The following DAB2IP variants were observed in gnomAD, a reference collection of about 807,000 sequenced individuals.
DAB2IP encodes DAB2 interacting protein.
A neutral mutation model predicts 107.2 loss-of-function variants in DAB2IP; 28 were observed. That is an observed-to-expected ratio of 0.26 (90% CI 0.19 to 0.36). The LOEUF (loss-of-function observed/expected upper bound fraction) is 0.36, where lower values mean the gene tolerates loss of function less well. Among genes scored for constraint, DAB2IP ranks in the 10% least tolerant of loss-of-function variants. DAB2IP has a pLI of 1.00. For synonymous variants in DAB2IP, 755 were observed against 706.4 expected, an observed-to-expected ratio of 1.07 and a Z score of -1.09; for missense variants, 1,400 against 1,644.7, an observed-to-expected ratio of 0.85 and a Z score of 2.57.
At chr9:121,613,023 C>T (rs1374777025) in intron 1 of DAB2IP, among the ~76,000 whole-genome samples, 2 of 152,134 alleles carry the variant, frequency 1.3e-5, no homozygotes, top group Non-Finnish European at 2.9e-5. Context: ...ATTCCTAGAG[C>T]CCCATTTATC....
At chr9:121,567,227 C>T (rs201252302) in exon 1 of DAB2IP, 26 of 1,614,004 alleles carry the variant, frequency 1.6e-5, no homozygotes, top group South Asian at 5.5e-5. Flanking sequence ...ACGACTCCTA[C>T]GGTAAGACGG....
chr9:121,740,735 G>C (rs927946827), intron 3 of DAB2IP, among the ~76,000 whole-genome samples: 1 of 152,220 alleles, frequency 6.6e-6, no homozygotes, highest in African/African-American at 2.4e-5. Flanking sequence ...TTCAGTGTCT[G>C]TTGAATGAAT....
upstream of DAB2IP, among the ~76,000 whole-genome samples, chr9:121,648,163 C>T (rs1832605366): frequency 6.6e-6 from 1 of 152,154 alleles, no homozygotes. Flanking sequence ...TCCCAAGTTA[C>T]TGCTCGGGAT....
At chr9:121,595,460 C>G (rs191404886) in intron 1 of DAB2IP, among the ~76,000 whole-genome samples, 5 of 150,340 alleles carry the variant, frequency 3.3e-5, no homozygotes, top group African/African-American at 9.7e-5. Context: ...AAAATTAGCC[C>G]GCCATGGTGG....
At position 121,642,257 on chromosome 9, in the gene DAB2IP, T is replaced by C. The variant is rs181170175; in HGVS notation, c.41-36421T>C. Reference sequence around the variant, plus strand: ...CACCATGCCTGGCTAATTATTATTATTGAGACTGAGTCTCACTCTGTCGCC... The same window carrying C: ...CACCATGCCTGGCTAATTATTATTACTGAGACTGAGTCTCACTCTGTCGCC... On this transcript the variant is annotated intron_variant, in intron 1 of 16. Coordinates refer to the DAB2IP transcript ENST00000259371. Among the ~76,000 whole-genome samples the C allele has an allele frequency of 3.2e-4, 48 of 151,300 alleles. 1 individual carries two copies. The highest frequency in any genetic ancestry group is 3.4e-3 in the Middle Eastern group (1 of 292).
At chr9:121,580,670 G>A (rs1564681699) in intron 1 of DAB2IP, among the ~76,000 whole-genome samples, 1 of 152,120 alleles carries the variant, frequency 6.6e-6, no homozygotes, top group Middle Eastern at 3.4e-3. Flanking sequence ...TGTTGCCCAG[G>A]CTGGAGTCCA....
Position 121,754,469 on chromosome 9 carries a change from A to C in DAB2IP, c.363-2544A>C, listed in dbSNP as rs756399193. ...CTGCCCCTATTCCTCTTCCTCCCAG[A>C]GAGCTTGGGCTGCAGGGATGGATGC... On this transcript the variant is annotated intron_variant, in intron 3 of 15. Coordinates refer to ENST00000408936, the Ensembl canonical transcript of DAB2IP. 4.6e-4 allele frequency among the ~76,000 whole-genome samples: 70 copies of C among 152,046 alleles called. 1 individual carries two copies. Among genetic ancestry groups the C allele is most frequent in the Non-Finnish European group, 6.0e-4 (41 of 68,000 alleles).
intron 1 of DAB2IP, among the ~76,000 whole-genome samples, chr9:121,669,173 C>T (rs1833575067): frequency 6.6e-6 from 1 of 152,134 alleles, no homozygotes. Context: ...CTCAAGCAAT[C>T]CGCCCACCTT....
At chr9:121,618,490 A>G (rs1382380945) in intron 1 of DAB2IP, among the ~76,000 whole-genome samples, 2 of 151,748 alleles carry the variant, frequency 1.3e-5, no homozygotes, top group African/African-American at 4.8e-5. Flanking sequence ...CCTCCTGAGT[A>G]GCTGGGACTA....
At chr9:121,715,260 G>A (rs900290573) in intron 3 of DAB2IP, among the ~76,000 whole-genome samples, 3 of 152,198 alleles carry the variant, frequency 2.0e-5, no homozygotes, top group African/African-American at 7.2e-5. Context: ...ACCCTCAACA[G>A]CCACAGCCAG....
At chr9:121,703,931 C>T (rs1320815752) in intron 3 of DAB2IP, among the ~76,000 whole-genome samples, 1 of 152,118 alleles carries the variant, frequency 6.6e-6, no homozygotes, top group Non-Finnish European at 1.5e-5. Flanking sequence ...AAGAAACAGC[C>T]ATTATTACCT....
At chr9:121,757,221 G>A (rs1388547682) in intron 4 of DAB2IP, 55 bp downstream of exon 4, 1 of 1,586,752 alleles carries the variant, frequency 6.3e-7, no homozygotes, top group Non-Finnish European at 8.6e-7. Context: ...TGGCCTGGCT[G>A]GTCTCCTCCA....
At chr9:121,661,687 A>G (rs1378373011) in intron 1 of DAB2IP, among the ~76,000 whole-genome samples, 1 of 152,154 alleles carries the variant, frequency 6.6e-6, no homozygotes, top group Non-Finnish European at 1.5e-5. Context: ...AACAACAACA[A>G]TAATAATGTT....
rs201505083 is a variant in DAB2IP at position 121,698,177 on chromosome 9, T to TATCC, written c.229-1147_229-1144dup. 1.2e-3 allele frequency among the ~76,000 whole-genome samples: 177 copies of TATCC among 152,234 alleles called. 4 individuals carry two copies. The East Asian group carries it at 0.029, about 25-fold the overall frequency. ...GTACATTAACCTCAAATTAAATTAA[T>TATCC]ATCCCACTTGCCACCTGGAATTGAG... On this transcript the variant is annotated intron_variant, in intron 2 of 15. Transcript: ENST00000408936. This position sits in a 1 kb window ranked among gnomAD's most constrained non-coding sequence, Gnocchi z 4.1.
At chr9:121,737,709 C>A in intron 3 of DAB2IP, 1 of 985,476 alleles carries the variant, frequency 1.0e-6, no homozygotes, top group Non-Finnish European at 1.2e-6. Context: ...GCGCTCCCAC[C>A]ACAAAGGTCT....
At chr9:121,580,090 TC>T (rs1046927558) in intron 1 of DAB2IP, among the ~76,000 whole-genome samples, 2 of 152,128 alleles carry the variant, frequency 1.3e-5, no homozygotes, top group African/African-American at 4.8e-5. Flanking sequence ...CCTCCTTTTT[TC>T]CCTCCTCCCC....
intron 2 of DAB2IP, among the ~76,000 whole-genome samples, chr9:121,681,502 G>C (rs181556008): frequency 2.6e-5 from 4 of 152,222 alleles, no homozygotes; most frequent in East Asian, 3.9e-4. Flanking sequence ...CCACCTGCCC[G>C]GTTAGGGTCT....
At chr9:121,704,568 A>C (rs760175437) in intron 3 of DAB2IP, among the ~76,000 whole-genome samples, 29 of 152,122 alleles carry the variant, frequency 1.9e-4, no homozygotes, top group Non-Finnish European at 4.0e-4. Context: ...GAGAGGTCCC[A>C]TGTAGGTGGA....
At chr9:121,637,361 A>G (rs964980876) in intron 1 of DAB2IP, among the ~76,000 whole-genome samples, 4 of 152,186 alleles carry the variant, frequency 2.6e-5, no homozygotes, top group Non-Finnish European at 4.4e-5. Flanking sequence ...CAACCTCCCT[A>G]TATTTCAGAG....
Sources: gnomAD v4.1 joint callset for allele counts (sites outside exome capture counted in the v4.1 genomes callset) on GRCh38, gnomAD v4.1.1 for gene constraint, Gnocchi (gnomAD v3.1) non-coding constraint, MANE v1.5 for transcripts, NCBI Gene and HGNC (gene_info 2026-07-23, HGNC 2026-07-21) for gene names.